The following KIF13B variants were observed in gnomAD, a reference collection of about 807,000 sequenced individuals.
The protein encoded by KIF13B is kinesin family member 13B, also known as kinesin-like protein KIF13B.
A neutral mutation model predicts 222.0 loss-of-function variants in KIF13B; 127 were observed. The ratio of observed to expected loss-of-function variants is 0.57; its 90% CI spans 0.50 to 0.66. The LOEUF (loss-of-function observed/expected upper bound fraction) is 0.66. Ranked by LOEUF, KIF13B falls within the 30% of genes least tolerant of loss-of-function variation. KIF13B has a pLI of 0.00. For missense variants in KIF13B, 2,173 were observed against 2,379.0 expected, an observed-to-expected ratio of 0.91 and a Z score of 1.80; for synonymous variants, 976 against 919.0, an observed-to-expected ratio of 1.06 and a Z score of -1.12.
At position 29,126,603 on chromosome 8, in the gene KIF13B, A is replaced by T. The variant is rs531292651; in HGVS notation, c.3223-92T>A. 1.2e-4 allele frequency: 95 copies of T among 779,740 alleles called. 2 individuals are homozygous for T. In the Middle Eastern group the frequency reaches 2.0e-3, roughly 16 times the overall value. The allele number at this position is 779,740 out of a possible 1,614,324, so 48.3% of individuals were successfully genotyped here. A position where few individuals can be genotyped will look rare whatever the true frequency, so the allele number is the denominator to read the frequency against. Reference sequence around the variant, plus strand: ...CAATCTGACTCTTTACCCATAATTTATATTTTCCAATTGAATTAATATACT... The same window carrying T: ...CAATCTGACTCTTTACCCATAATTTTTATTTTCCAATTGAATTAATATACT... On this transcript the variant is annotated intron_variant, in intron 25 of 39. Coordinates refer to ENST00000524189, the MANE Select transcript of KIF13B (RefSeq NM_015254.4).
intron 35 of KIF13B, among the ~76,000 whole-genome samples, chr8:29,105,162 G>C (rs1254829058): frequency 6.6e-6 from 1 of 151,712 alleles, no homozygotes; most frequent in Non-Finnish European, 1.5e-5. Flanking sequence ...GCAGAGAAAG[G>C]GACTCCCTAT....
chr8:29,223,127 G>A (rs1431708765), intron 2 of KIF13B, among the ~76,000 whole-genome samples: 3 of 148,700 alleles, frequency 2.0e-5, no homozygotes, highest in Non-Finnish European at 4.4e-5. Context: ...AGACCAGCCT[G>A]GACAACATGG....
chr8:29,116,795 C>T (rs1563714970), intron 31 of KIF13B, 36 bp downstream of exon 31: 6 of 1,568,310 alleles, frequency 3.8e-6, no homozygotes, highest in African/African-American at 1.3e-5. Context: ...CAGGTCGCAA[C>T]TGTGGTTAGA....
At chr8:29,110,130 C>T (rs905445440) in intron 32 of KIF13B, 60 bp from the exon 33 acceptor site, 35 of 1,341,454 alleles carry the variant, frequency 2.6e-5, no homozygotes, top group East Asian at 7.5e-5. Context: ...CACACGTACA[C>T]GCGTGCACAC....
chr8:29,087,794 T>A (rs1472770182), intron 37 of KIF13B, among the ~76,000 whole-genome samples: 1 of 151,998 alleles, frequency 6.6e-6, no homozygotes, highest in Non-Finnish European at 1.5e-5. Flanking sequence ...TGTGGGAGAC[T>A]CATCTAGAGC....
Position 29,071,680 on chromosome 8 carries a change from C to T in KIF13B, c.5158G>A (p.Val1720Met), listed in dbSNP as rs753746284. The change falls in exon 39 of 40, where the codon GTG (valine) becomes ATG (methionine). Residue 1720 changes from valine (V) to methionine (M), a missense_variant. Physicochemically the swap from Val to Met is conservative, Grantham distance 21. Coordinates refer to ENST00000524189, the MANE Select transcript of KIF13B (RefSeq NM_015254.4). The surrounding 1 kb of genome is among the most constrained non-coding windows in gnomAD (Gnocchi z 4.9). The stretch of plus-strand genomic sequence containing the variant: ...CCCTCTTGGAAGTCGGCAGGCCCCA[C>T]GTATCTCACCACGCCCGTTTTGTGG... ...GAHKTGVVRY[V>M]GPADFQEGTW... is the part of the protein sequence containing the mutation. The T allele has an allele frequency of 2.4e-5, 38 of 1,554,234 alleles. No homozygotes were observed. The highest frequency in any genetic ancestry group is 7.7e-5 in the Admixed American group (4 of 51,628).
intron 37 of KIF13B, among the ~76,000 whole-genome samples, chr8:29,089,332 G>A (rs1015192197): frequency 6.6e-5 from 10 of 152,232 alleles, no homozygotes; most frequent in African/African-American, 2.4e-4. Context: ...CTAGCTCCTT[G>A]GGAGACTGAG....
chr8:29,168,709 T>C (rs1229907971), intron 10 of KIF13B, among the ~76,000 whole-genome samples: 2 of 152,256 alleles, frequency 1.3e-5, no homozygotes, highest in Admixed American at 6.5e-5. Context: ...ACACCGGTCA[T>C]GCCTTGAGAT....
chr8:29,125,105 G>T (rs1810049867), intron 26 of KIF13B, among the ~76,000 whole-genome samples: 1 of 152,146 alleles, frequency 6.6e-6, no homozygotes, highest in South Asian at 2.1e-4. Context: ...AGAATAATCA[G>T]AAGAATCAAC....
rs1392181197 is a variant in KIF13B at position 29,071,951 on chromosome 8, G to C, written c.4887C>G (p.Ser1629Arg). ...CGAGGTCGGGGCGCTCCCGACCGGG[G>C]CTCACGAGCTGCTGGGGGCCAGGGG... ...EEPPGPQQLVSPGRERPDLEA... is the reference protein window; with the variant it reads ...EEPPGPQQLVRPGRERPDLEA... Residue 1629 changes from serine (S) to arginine (R), a missense_variant, in exon 39 of 40, where the codon AGC becomes AGG. Transcript: ENST00000524189. This position sits in a 1 kb window ranked among gnomAD's most constrained non-coding sequence, Gnocchi z 4.9. 1.5e-6 allele frequency: 2 copies of C among 1,361,780 alleles called. No homozygotes were observed. The highest frequency in any genetic ancestry group is 1.9e-6 in the Non-Finnish European group (2 of 1,064,146). The allele number at this position is 1,361,780 out of a possible 1,614,324, so 84.4% of individuals were successfully genotyped here. A position where few individuals can be genotyped will look rare whatever the true frequency, so the allele number is the denominator to read the frequency against.
chr8:29,090,766 G>A (rs1156239060), intron 37 of KIF13B, among the ~76,000 whole-genome samples: 1 of 152,174 alleles, frequency 6.6e-6, no homozygotes, highest in East Asian at 1.9e-4. Flanking sequence ...CTGGAATGCA[G>A]TGGCATGATC....
intron 10 of KIF13B, among the ~76,000 whole-genome samples, chr8:29,168,673 C>T (rs1204340322): frequency 6.6e-6 from 1 of 152,302 alleles, no homozygotes; most frequent in Middle Eastern, 3.4e-3. Flanking sequence ...CTGCTGACAA[C>T]CATGTAAGTG....
intron 2 of KIF13B, among the ~76,000 whole-genome samples, chr8:29,197,417 G>A (rs906186788): frequency 6.6e-6 from 1 of 151,366 alleles, no homozygotes; most frequent in Non-Finnish European, 1.5e-5. Flanking sequence ...GAGAAAAGTG[G>A]TAAAAAGTAC....
chr8:29,097,171 T>C (rs2133564934), intron 36 of KIF13B, among the ~76,000 whole-genome samples: 1 of 152,324 alleles, frequency 6.6e-6, no homozygotes, highest in East Asian at 1.9e-4. Flanking sequence ...GATGCAGTTA[T>C]ATATAAATGA....
chr8:29,076,917 G>C (rs1331100312), intron 37 of KIF13B, among the ~76,000 whole-genome samples: 1 of 152,172 alleles, frequency 6.6e-6, no homozygotes, highest in Non-Finnish European at 1.5e-5. Flanking sequence ...GGAGGCTGCA[G>C]TGAGCTATGA....
At chr8:29,148,456 T>G (rs1586843567) in intron 16 of KIF13B, 121 bp downstream of exon 16, 1 of 549,320 alleles carries the variant, frequency 1.8e-6, no homozygotes. Flanking sequence ...TAAAGAGCAG[T>G]GGTTATTCAC....
chr8:29,191,464 A>C (rs1290857546), intron 3 of KIF13B, among the ~76,000 whole-genome samples: 1 of 152,248 alleles, frequency 6.6e-6, no homozygotes, highest in Non-Finnish European at 1.5e-5. Flanking sequence ...TGTCCAAAAT[A>C]GCTTAAAATA....
chr8:29,074,251 C>T (rs1253912198), intron 38 of KIF13B, among the ~76,000 whole-genome samples: 1 of 152,156 alleles, frequency 6.6e-6, no homozygotes, highest in Non-Finnish European at 1.5e-5. Flanking sequence ...AGGATCATGG[C>T]ATTATTCTAC....
At chr8:29,086,951 A>G (rs2279441) in intron 37 of KIF13B, among the ~76,000 whole-genome samples, 132,213 of 152,236 alleles carry the variant, frequency 0.87, 58,014 homozygotes, top group Non-Finnish European at 0.93. Context: ...CAGAGAGGAA[A>G]GTTCCGGGTA....
Sources: gnomAD v4.1 joint callset for allele counts (sites outside exome capture counted in the v4.1 genomes callset) on GRCh38, gnomAD v4.1.1 for gene constraint, Gnocchi (gnomAD v3.1) non-coding constraint, MANE v1.5 for transcripts, NCBI Gene and HGNC (gene_info 2026-07-23, HGNC 2026-07-21) for gene names.